The following MRPS28 variants were observed in gnomAD, a reference collection of about 807,000 sequenced individuals.
MRPS28 encodes the protein small ribosomal subunit protein bS1m.
A neutral mutation model predicts 10.8 loss-of-function variants in MRPS28; 7 were observed. The ratio of observed to expected loss-of-function variants is 0.65; its 90% CI spans 0.37 to 1.22. The LOEUF (loss-of-function observed/expected upper bound fraction) is 1.22. Among genes scored for constraint, MRPS28 ranks in the 50% most tolerant of loss-of-function variants. The probability of loss-of-function intolerance (pLI) is 0.02; values close to 1 mark genes in which losing one functional copy is unlikely to be tolerated. For synonymous variants in MRPS28, 121 were observed against 93.3 expected, an observed-to-expected ratio of 1.30 and a Z score of -1.71; for missense variants, 265 against 232.9, an observed-to-expected ratio of 1.14 and a Z score of -0.90.
intron 2 of MRPS28, among the ~76,000 whole-genome samples, chr8:79,962,962 T>C (rs1250841961): frequency 6.6e-6 from 1 of 152,102 alleles, no homozygotes; most frequent in Non-Finnish European, 1.5e-5. Context: ...GTACTTGCCA[T>C]GCCTGGGGAA....
intron 1 of MRPS28, 135 bp downstream of exon 1, chr8:80,029,901 G>A: frequency 6.5e-7 from 1 of 1,536,246 alleles, no homozygotes; most frequent in Non-Finnish European, 8.7e-7. Flanking sequence ...GAGCCACAAC[G>A]CACCGCAACT....
intron 2 of MRPS28, among the ~76,000 whole-genome samples, chr8:80,001,095 T>C (rs1808649384): frequency 6.6e-6 from 1 of 152,214 alleles, no homozygotes. Flanking sequence ...TGCTGAGAAA[T>C]ATCTTAGCAG....
chr8:80,027,674 G>C (rs984433222), intron 1 of MRPS28, among the ~76,000 whole-genome samples: 1 of 152,198 alleles, frequency 6.6e-6, no homozygotes, highest in African/African-American at 2.4e-5. Flanking sequence ...AAGGAGTAAA[G>C]GGGTTCACGT....
At chr8:79,990,932 A>C (rs1465144065) in intron 2 of MRPS28, among the ~76,000 whole-genome samples, 3 of 151,558 alleles carry the variant, frequency 2.0e-5, no homozygotes, top group Non-Finnish European at 4.4e-5. Context: ...TGGAGGTTGC[A>C]GTGAGCCAAG....
chr8:79,995,765 C>G (rs1808486435), intron 2 of MRPS28, among the ~76,000 whole-genome samples: 1 of 152,070 alleles, frequency 6.6e-6, no homozygotes, highest in South Asian at 2.1e-4. Flanking sequence ...ACTAAAGTAC[C>G]CACACTTTAC....
At chr8:80,016,413 C>CA (rs201194420) in intron 1 of MRPS28, among the ~76,000 whole-genome samples, 1,585 of 137,932 alleles carry the variant, frequency 0.011, 20 homozygotes, top group African/African-American at 0.03. Context: ...TAAGAGGAAA[C>CA]AAAAAAAAAA....
At chr8:79,921,710 CAA>C (rs1256282693) in intron 2 of MRPS28, among the ~76,000 whole-genome samples, 1 of 152,058 alleles carries the variant, frequency 6.6e-6, no homozygotes, top group Non-Finnish European at 1.5e-5. Context: ...TCTAGATATA[CAA>C]TCATGTCATC....
At chr8:80,008,171 G>A (rs1223221745) in intron 1 of MRPS28, among the ~76,000 whole-genome samples, 1 of 152,188 alleles carries the variant, frequency 6.6e-6, no homozygotes, top group Non-Finnish European at 1.5e-5. Flanking sequence ...AAGAAATGGG[G>A]AAAGGATTCC....
rs1809644497 is a variant in MRPS28 at position 80,030,100 on chromosome 8, C to T, written c.149G>A (p.Gly50Asp). The T allele has an allele frequency of 1.9e-6, 3 of 1,611,884 alleles. No individual in the cohort carries two copies. The highest frequency in any genetic ancestry group is 4.5e-5 in the East Asian group (2 of 44,868). The change falls in exon 1 of 3, where the codon GGC becomes GAC. Residue 50 changes from glycine to aspartate, a missense_variant. Physicochemically the swap from Gly to Asp is moderately conservative, Grantham distance 94. Coordinates refer to ENST00000276585, the MANE Select transcript of MRPS28 (RefSeq NM_014018.3). ...CCGCTCCAACGCGCTCGCGAAACCG[C>T]CTGCGCGCGTCTTAGGCTCCTTGGC... ...SNAKEPKTRA[G>D]GFASALERHS...
intron 2 of MRPS28, among the ~76,000 whole-genome samples, chr8:79,956,069 A>T (rs895652263): frequency 8.6e-5 from 13 of 151,494 alleles, no homozygotes; most frequent in Non-Finnish European, 1.9e-4. Flanking sequence ...GCTGGACTGA[A>T]TTTTTTTTTA....
At chr8:79,944,701 C>CTTTTTT (rs57397948) in intron 2 of MRPS28, among the ~76,000 whole-genome samples, 7,485 of 137,544 alleles carry the variant, frequency 0.054, 559 homozygotes, top group African/African-American at 0.13. Context: ...TTTCTTTTTT[C>CTTTTTT]TTTTTTTTTT....
intron 2 of MRPS28, among the ~76,000 whole-genome samples, chr8:79,940,698 T>G (rs1027032869): frequency 6.6e-6 from 1 of 152,158 alleles, no homozygotes. Context: ...AAAGCCAACT[T>G]TTCCAAACAA....
rs996094379 is a variant in MRPS28 at position 80,016,756 on chromosome 8, C to T, written c.213+13280G>A. Among the ~76,000 whole-genome samples, 6 of 152,016 alleles carry T rather than the reference C, an allele frequency of 3.9e-5. No individual in the cohort carries two copies. In the South Asian group the frequency reaches 6.2e-4, roughly 16 times the overall value. ...AAAAGGGTTAATTATCTGAAGAAGT[C>T]GGAATAATCCTTAATGTGTACATGC... On this transcript the variant is annotated intron_variant, in intron 1 of 2. Transcript: ENST00000276585.
At chr8:79,989,320 T>C (rs1302135743) in intron 2 of MRPS28, among the ~76,000 whole-genome samples, 1 of 152,214 alleles carries the variant, frequency 6.6e-6, no homozygotes, top group East Asian at 1.9e-4. Flanking sequence ...CTCAACTATT[T>C]TGACGTTAAA....
chr8:79,978,694 C>A (rs916219843), intron 2 of MRPS28, among the ~76,000 whole-genome samples: 1 of 152,036 alleles, frequency 6.6e-6, no homozygotes, highest in East Asian at 1.9e-4. Context: ...TTCACTCCAC[C>A]CCCATCTCTA....
chr8:79,962,705 G>A (rs559523292), intron 2 of MRPS28, among the ~76,000 whole-genome samples: 16 of 151,998 alleles, frequency 1.1e-4, no homozygotes, highest in Non-Finnish European at 2.2e-4. Context: ...AATGAATTGC[G>A]GCAGTGAATG....
intron 2 of MRPS28, among the ~76,000 whole-genome samples, chr8:80,000,957 A>AGAATATCCCCAAAGAAAT (rs1410245320): frequency 4.6e-5 from 7 of 152,258 alleles, no homozygotes; most frequent in African/African-American, 1.7e-4. Context: ...TGCCGACAAA[A>AGAATATCCCCAAAGAAAT]GAATATCCCC....
intron 2 of MRPS28, among the ~76,000 whole-genome samples, chr8:79,930,996 T>C (rs1037950822): frequency 1.3e-5 from 2 of 152,208 alleles, no homozygotes; most frequent in African/African-American, 4.8e-5. Flanking sequence ...GGCAATTTCC[T>C]GGAGATTAGA....
chr8:79,964,705 T>C (rs1259663778), intron 2 of MRPS28, among the ~76,000 whole-genome samples: 2 of 152,036 alleles, frequency 1.3e-5, no homozygotes, highest in Non-Finnish European at 2.9e-5. Flanking sequence ...ACTTACTTCA[T>C]TGGAGGCTGT....
Sources: allele counts gnomAD v4.1 joint callset (sites outside exome capture counted in the v4.1 genomes callset), GRCh38; gene constraint gnomAD v4.1.1; transcripts MANE v1.5; gene names NCBI Gene and HGNC (gene_info 2026-07-23, HGNC 2026-07-21).